The following DGKI variants were observed in gnomAD, a reference collection of about 807,000 sequenced individuals.
DGKI encodes diacylglycerol kinase iota, also known as DAG kinase iota.
In DGKI, 55 loss-of-function variants were observed where a neutral mutation model predicts 147.5. The ratio of observed to expected loss-of-function variants is 0.37; its 90% CI spans 0.30 to 0.47. The LOEUF is 0.47. Among genes scored for constraint, DGKI ranks in the 20% least tolerant of loss-of-function variants. The pLI is 1.00. For missense variants in DGKI, 1,007 were observed against 1,323.8 expected (o/e 0.76, Z 3.71); for synonymous variants, 469 against 477.1 (o/e 0.98, Z 0.22).
At chr7:137,396,874 T>A (rs1362028126) in intron 31 of DGKI, among the ~76,000 whole-genome samples, 1 of 152,220 alleles carries the variant, frequency 6.6e-6, no homozygotes, top group African/African-American at 2.4e-5. Flanking sequence ...TCAGGATCCC[T>A]TCTCTGAACC....
intron 5 of DGKI, among the ~76,000 whole-genome samples, chr7:137,650,565 G>C (rs937353943): frequency 6.6e-6 from 1 of 152,162 alleles, no homozygotes; most frequent in African/African-American, 2.4e-5. Flanking sequence ...CAAGTAATGA[G>C]AGTAGACTCT....
At chr7:137,732,916 C>T (rs1019671099) in intron 1 of DGKI, among the ~76,000 whole-genome samples, 3 of 151,844 alleles carry the variant, frequency 2.0e-5, no homozygotes, top group Non-Finnish European at 2.9e-5. Flanking sequence ...TCCTCTAGCT[C>T]GTATCCCCCT....
At chr7:137,636,485 C>G (rs1470758538) in intron 6 of DGKI, among the ~76,000 whole-genome samples, 7 of 152,204 alleles carry the variant, frequency 4.6e-5, no homozygotes, top group African/African-American at 1.7e-4. Flanking sequence ...CAGGAATGGA[C>G]AGTATTGAAT....
intron 1 of DGKI, among the ~76,000 whole-genome samples, chr7:137,780,742 T>C (rs1796493875): frequency 6.6e-6 from 1 of 152,212 alleles, no homozygotes; most frequent in African/African-American, 2.4e-5. Flanking sequence ...TTAAAAGAGC[T>C]AGACGTTTTG....
intron 8 of DGKI, among the ~76,000 whole-genome samples, chr7:137,614,856 T>C (rs984443391): frequency 6.6e-6 from 1 of 152,136 alleles, no homozygotes; most frequent in African/African-American, 2.4e-5. Context: ...GTCACTTGTT[T>C]AGACACAAAT....
chr7:137,701,310 T>C (rs1394548004), intron 1 of DGKI, among the ~76,000 whole-genome samples: 1 of 152,188 alleles, frequency 6.6e-6, no homozygotes, highest in Non-Finnish European at 1.5e-5. Flanking sequence ...TCACCACTTT[T>C]ATTCAACATT....
At chr7:137,723,779 G>T (rs1182205413) in intron 1 of DGKI, among the ~76,000 whole-genome samples, 1 of 131,464 alleles carries the variant, frequency 7.6e-6, no homozygotes, top group Non-Finnish European at 1.5e-5. Flanking sequence ...GTGCAATCTT[G>T]GCTCACTGCA....
chr7:137,678,394 G>A (rs1823110332), intron 3 of DGKI, among the ~76,000 whole-genome samples, 163 bp downstream of exon 3: 1 of 152,062 alleles, frequency 6.6e-6, no homozygotes, highest in Non-Finnish European at 1.5e-5. Flanking sequence ...TGAAAGCCAT[G>A]TTAACTTGAG....
chr7:137,794,059 A>G (rs1334860180), intron 1 of DGKI, among the ~76,000 whole-genome samples: 2 of 152,212 alleles, frequency 1.3e-5, no homozygotes, highest in African/African-American at 4.8e-5. Context: ...TTTATAGAGC[A>G]TCTATGAAAT....
intron 1 of DGKI, among the ~76,000 whole-genome samples, chr7:137,781,747 T>C (rs567240238): frequency 6.6e-6 from 1 of 152,348 alleles, no homozygotes; most frequent in South Asian, 2.1e-4. Context: ...TTGTTTTGTT[T>C]TTTAATTGCC....
intron 5 of DGKI, among the ~76,000 whole-genome samples, chr7:137,646,854 C>T (rs958651479): frequency 1.3e-5 from 2 of 152,098 alleles, no homozygotes; most frequent in Non-Finnish European, 2.9e-5. Context: ...GCATGAAATT[C>T]AGAGTGACAA....
chr7:137,442,998 T>A (rs775091600), intron 28 of DGKI, among the ~76,000 whole-genome samples: 1 of 152,096 alleles, frequency 6.6e-6, no homozygotes, highest in Non-Finnish European at 1.5e-5. Context: ...AGAAGTAGCA[T>A]CCTGTCAGAG....
intron 10 of DGKI, among the ~76,000 whole-genome samples, chr7:137,600,584 T>C (rs1819954635): frequency 6.6e-6 from 1 of 152,196 alleles, no homozygotes; most frequent in South Asian, 2.1e-4. Context: ...CATTAATGTA[T>C]GAAAATCCAT....
chr7:137,635,020 G>C (rs1821261863), intron 6 of DGKI, among the ~76,000 whole-genome samples: 1 of 152,164 alleles, frequency 6.6e-6, no homozygotes, highest in African/African-American at 2.4e-5. Flanking sequence ...CTAGGGAAGA[G>C]GTATAAGGAA....
chr7:137,709,914 G>T (rs1213991233), intron 1 of DGKI, among the ~76,000 whole-genome samples: 1 of 151,352 alleles, frequency 6.6e-6, no homozygotes, highest in Non-Finnish European at 1.5e-5. Context: ...TTTTAATAAG[G>T]ACAATCATGA....
chr7:137,406,398 T>C (rs1811949153), intron 30 of DGKI, among the ~76,000 whole-genome samples: 1 of 152,160 alleles, frequency 6.6e-6, no homozygotes, highest in Non-Finnish European at 1.5e-5. Context: ...CCTATCTACC[T>C]AGGCTTTCCA....
intron 28 of DGKI, among the ~76,000 whole-genome samples, chr7:137,413,337 G>GAC (rs1476336834): frequency 1.3e-5 from 2 of 151,908 alleles, no homozygotes; most frequent in Non-Finnish European, 2.9e-5. Flanking sequence ...TTGTTACAAG[G>GAC]ATATATTGCA....
At chr7:137,482,988 T>C (rs558556982) in intron 23 of DGKI, among the ~76,000 whole-genome samples, 1 of 152,114 alleles carries the variant, frequency 6.6e-6, no homozygotes, top group Non-Finnish European at 1.5e-5. Flanking sequence ...GCATTTATAA[T>C]GCAGCAGTTT....
At chr7:137,750,411 G>A (rs76657696) in intron 1 of DGKI, among the ~76,000 whole-genome samples, 822 of 81,424 alleles carry the variant, frequency 0.01, 8 homozygotes, top group African/African-American at 0.035. Flanking sequence ...TGTGTAGATC[G>A]CTGTTGTATC....
Sources: allele counts gnomAD v4.1 joint callset (sites outside exome capture counted in the v4.1 genomes callset), GRCh38; gene constraint gnomAD v4.1.1; transcripts MANE v1.5; gene names NCBI Gene and HGNC (gene_info 2026-07-23, HGNC 2026-07-21).